The following VIT variants were observed in gnomAD, a reference collection of about 807,000 sequenced individuals.
The protein encoded by VIT is vitrin.
A neutral mutation model predicts 78.0 loss-of-function variants in VIT; 99 were observed. The ratio of observed to expected loss-of-function variants is 1.27; its 90% CI spans 1.08 to 1.50. The LOEUF (loss-of-function observed/expected upper bound fraction) is 1.50, where lower values mean the gene tolerates loss of function less well. Ranked by LOEUF, VIT falls within the 40% of genes most tolerant of loss-of-function variation. The probability of loss-of-function intolerance (pLI) is 0.00; values close to 1 mark genes in which losing one functional copy is unlikely to be tolerated. For synonymous variants in VIT, 374 were observed against 334.3 expected (o/e 1.12, Z -1.29); for missense variants, 1,126 against 875.3 (o/e 1.29, Z -3.61).
At chr2:36,767,394 G>A (rs1453938962) in intron 7 of VIT, 109 bp downstream of exon 7, 2 of 1,160,576 alleles carry the variant, frequency 1.7e-6, no homozygotes, top group South Asian at 2.4e-5. Context: ...GGGGAGCACT[G>A]GAGAACTGGG....
intron 3 of VIT, among the ~76,000 whole-genome samples, chr2:36,732,804 G>A (rs758008965): frequency 7.2e-5 from 11 of 152,178 alleles, no homozygotes; most frequent in African/African-American, 1.2e-4. Flanking sequence ...CAGAGAGTTA[G>A]GAAAAGAAGC....
intron 4 of VIT, among the ~76,000 whole-genome samples, chr2:36,744,039 T>G (rs1370670688): frequency 6.6e-6 from 1 of 152,182 alleles, no homozygotes; most frequent in East Asian, 1.9e-4. Context: ...AGCTCCCACT[T>G]ATAAGTGAGA....
intron 3 of VIT, among the ~76,000 whole-genome samples, chr2:36,735,507 T>C (rs1667460795): frequency 6.6e-6 from 1 of 152,198 alleles, no homozygotes; most frequent in Admixed American, 6.5e-5. Flanking sequence ...GTCTAGAAGA[T>C]TCGGGGTGGT....
At position 36,814,436 on chromosome 2, in the gene VIT, G is replaced by A; in HGVS notation, c.*75G>A. 6.5e-7 allele frequency: 1 copy of A among 1,538,082 alleles called. No individual in the cohort carries two copies. Among genetic ancestry groups the A allele is most frequent in the Non-Finnish European group, 8.9e-7 (1 of 1,129,880 alleles). ...TTGGACCACCCCACCGCTTAATGGG[G>A]CACGCACGGTGCATCAAGTCTTGGG... is the stretch of plus-strand genomic sequence containing the variant. On this transcript the variant is annotated 3_prime_UTR_variant, in exon 16 of 16. Transcript: ENST00000379242.
chr2:36,794,996 T>C (rs2148652522), intron 12 of VIT, among the ~76,000 whole-genome samples: 1 of 152,272 alleles, frequency 6.6e-6, no homozygotes, highest in East Asian at 1.9e-4. Context: ...AGTGTTCACC[T>C]CCACTGGGGA....
chr2:36,754,848 G>A, intron 4 of VIT, 73 bp from the exon 5 acceptor site: 2 of 1,523,234 alleles, frequency 1.3e-6, no homozygotes, highest in East Asian at 2.3e-5. Context: ...GATGGCGACT[G>A]GTTTTCTAGC....
In VIT at chr2:36,754,967, G is replaced by A. The variant is rs373994678; in HGVS notation, c.322G>A (p.Ala108Thr). Reference sequence around the variant, plus strand: ...AGGGAAAATACTTGTTCGGAAGGTTGCTGGACAGTCTGGTTACAAAGGGAG... The same window carrying A: ...AGGGAAAATACTTGTTCGGAAGGTTACTGGACAGTCTGGTTACAAAGGGAG... ...SGGKILVRKV[A>T]GQSGYKGSYS... The change falls in exon 5 of 16, where the codon GCT (alanine) becomes ACT (threonine). Residue 108 changes from alanine to threonine, a missense_variant. Ala to Thr is a moderately conservative substitution (Grantham distance 58). Transcript: ENST00000379242. The A allele has an allele frequency of 9.9e-6, 16 of 1,614,046 alleles. No individual in the cohort carries two copies. The highest frequency in any genetic ancestry group is 1.3e-5 in the African/African-American group (1 of 74,918).
chr2:36,728,169 G>C (rs372889622), intron 2 of VIT, among the ~76,000 whole-genome samples: 1 of 151,982 alleles, frequency 6.6e-6, no homozygotes, highest in Non-Finnish European at 1.5e-5. Flanking sequence ...GACCTCAGGC[G>C]ATCCACCCAC....
chr2:36,745,008 G>A (rs559750229), intron 4 of VIT, among the ~76,000 whole-genome samples: 1 of 152,114 alleles, frequency 6.6e-6, no homozygotes, highest in Admixed American at 6.5e-5. Flanking sequence ...TGATAGGGAG[G>A]GATCCAGTTT....
At chr2:36,734,592 G>C (rs1205616373) in intron 3 of VIT, among the ~76,000 whole-genome samples, 1 of 152,154 alleles carries the variant, frequency 6.6e-6, no homozygotes, top group Non-Finnish European at 1.5e-5. Flanking sequence ...GGAAAAATGG[G>C]AGAAGGAGAA....
intron 12 of VIT, among the ~76,000 whole-genome samples, chr2:36,788,907 G>A (rs957523819): frequency 3.3e-5 from 5 of 152,122 alleles, no homozygotes; most frequent in Admixed American, 2.0e-4. Flanking sequence ...ATGGATTAGA[G>A]AACAAATGTT....
intron 12 of VIT, among the ~76,000 whole-genome samples, chr2:36,794,084 T>G (rs553418821): frequency 5.9e-5 from 9 of 152,270 alleles, no homozygotes; most frequent in Admixed American, 5.9e-4. Flanking sequence ...CCCTCAAGCC[T>G]TCCTAGGAAT....
intron 8 of VIT, 136 bp downstream of exon 8, chr2:36,773,983 C>G (rs2148602275): frequency 1.3e-6 from 1 of 757,718 alleles, no homozygotes; most frequent in South Asian, 4.3e-5. Context: ...GAAGATGCCA[C>G]TCAAGGGCCC....
intron 3 of VIT, among the ~76,000 whole-genome samples, chr2:36,742,757 C>G (rs935424254): frequency 6.6e-6 from 1 of 152,222 alleles, no homozygotes; most frequent in African/African-American, 2.4e-5. Context: ...ATCTGAAAGA[C>G]CAGTACTCTC....
intron 3 of VIT, among the ~76,000 whole-genome samples, chr2:36,736,218 T>A (rs1186253161): frequency 2.0e-5 from 3 of 152,198 alleles, no homozygotes; most frequent in Non-Finnish European, 4.4e-5. Context: ...CTTGATTGTT[T>A]AAGGCTACAA....
chr2:36,721,502 T>G (rs1228763329), intron 2 of VIT, among the ~76,000 whole-genome samples: 1 of 152,140 alleles, frequency 6.6e-6, no homozygotes, highest in Non-Finnish European at 1.5e-5. Context: ...TACCTCATTT[T>G]CCACCATACC....
At chr2:36,729,841 C>G (rs764200556) in intron 3 of VIT, among the ~76,000 whole-genome samples, 1 of 152,166 alleles carries the variant, frequency 6.6e-6, no homozygotes, top group Non-Finnish European at 1.5e-5. Context: ...CTTATTTTGG[C>G]TAATGCAAAG....
intron 1 of VIT, among the ~76,000 whole-genome samples, chr2:36,706,301 G>A (rs1665415777): frequency 6.6e-6 from 1 of 152,096 alleles, no homozygotes; most frequent in Non-Finnish European, 1.5e-5. Flanking sequence ...GATCATTTCA[G>A]GGGAACAGGA....
At chr2:36,710,332 C>T (rs1333942172) in intron 1 of VIT, among the ~76,000 whole-genome samples, 1 of 152,192 alleles carries the variant, frequency 6.6e-6, no homozygotes, top group East Asian at 1.9e-4. Context: ...TTACCCAGTT[C>T]TCTTTCCCTG....
Sources: gnomAD v4.1 joint callset for allele counts (sites outside exome capture counted in the v4.1 genomes callset) on GRCh38, gnomAD v4.1.1 for gene constraint, MANE v1.5 for transcripts, NCBI Gene and HGNC (gene_info 2026-07-23, HGNC 2026-07-21) for gene names.